Variants in ZRANB3 observed in about 807,000 individuals in gnomAD.
ZRANB3 encodes zinc finger RANBP2-type containing 3.
In ZRANB3, 125 loss-of-function variants were observed where a neutral mutation model predicts 133.8. That is an observed-to-expected ratio of 0.93 (90% CI 0.81 to 1.08). The LOEUF (loss-of-function observed/expected upper bound fraction) is 1.08, where lower values mean the gene tolerates loss of function less well. ZRANB3 is among the 50% of genes least tolerant of loss of function. The probability of loss-of-function intolerance (pLI) is 0.00; values close to 1 mark genes in which losing one functional copy is unlikely to be tolerated. For synonymous variants in ZRANB3, 387 were observed against 432.7 expected (o/e 0.89, Z 1.31); for missense variants, 1,229 against 1,275.5 (o/e 0.96, Z 0.56).
At chr2:135,526,537 TC>T (rs1401474227) in intron 1 of ZRANB3, among the ~76,000 whole-genome samples, 3 of 152,212 alleles carry the variant, frequency 2.0e-5, no homozygotes, top group Non-Finnish European at 4.4e-5. Flanking sequence ...TAAATTCTCA[TC>T]AGGGGGGTTT....
intron 8 of ZRANB3, among the ~76,000 whole-genome samples, chr2:135,296,522 C>T (rs936565187): frequency 2.6e-5 from 4 of 151,954 alleles, no homozygotes; most frequent in Non-Finnish European, 5.9e-5. Context: ...GCCATTGGCT[C>T]GAACTTCCTC....
chr2:135,475,352 C>T (rs1691458802), intron 2 of ZRANB3, among the ~76,000 whole-genome samples: 1 of 152,204 alleles, frequency 6.6e-6, no homozygotes, highest in Admixed American at 6.5e-5. Context: ...TGTCTGCAGT[C>T]ATTTTGAAAG....
intron 3 of ZRANB3, among the ~76,000 whole-genome samples, chr2:135,373,626 A>G (rs1686280307): frequency 6.6e-6 from 1 of 151,978 alleles, no homozygotes; most frequent in African/African-American, 2.4e-5. Context: ...CGTCTCAACT[A>G]AAAATACAAA....
chr2:135,270,263 C>T (rs2105118620), intron 10 of ZRANB3, among the ~76,000 whole-genome samples: 1 of 152,098 alleles, frequency 6.6e-6, no homozygotes, highest in African/African-American at 2.4e-5. Flanking sequence ...TTATAAAAAA[C>T]ATCATTTGAT....
intron 2 of ZRANB3, among the ~76,000 whole-genome samples, chr2:135,478,480 T>C (rs1427883149): frequency 1.3e-5 from 2 of 152,148 alleles, no homozygotes; most frequent in African/African-American, 4.8e-5. Flanking sequence ...ACACCATAGA[T>C]TAATATGTTA....
At chr2:135,388,675 A>C (rs914910330) in intron 3 of ZRANB3, among the ~76,000 whole-genome samples, 1 of 152,202 alleles carries the variant, frequency 6.6e-6, no homozygotes, top group Non-Finnish European at 1.5e-5. Flanking sequence ...TTGGAGAATG[A>C]GTTCATATTT....
intron 8 of ZRANB3, among the ~76,000 whole-genome samples, chr2:135,308,106 C>A (rs1365970502): frequency 6.6e-6 from 1 of 152,086 alleles, no homozygotes; most frequent in African/African-American, 2.4e-5. Context: ...TGCAGCTGAG[C>A]CTTGGGGGTG....
intron 20 of ZRANB3, chr2:135,202,288 C>T (rs1693658974): frequency 6.6e-6 from 1 of 152,234 alleles, no homozygotes. Flanking sequence ...CTACCTTTTA[C>T]TGGACTGCCT....
At chr2:135,222,017 C>T (rs767634610) in intron 15 of ZRANB3, among the ~76,000 whole-genome samples, 1 of 152,186 alleles carries the variant, frequency 6.6e-6, no homozygotes, top group Non-Finnish European at 1.5e-5. Flanking sequence ...AAAGTTTGGT[C>T]ATCTCCAACA....
intron 1 of ZRANB3, among the ~76,000 whole-genome samples, chr2:135,507,012 G>A (rs145418242): frequency 1.3e-5 from 2 of 152,174 alleles, no homozygotes; most frequent in Non-Finnish European, 2.9e-5. Flanking sequence ...AGCAAAAAGG[G>A]AAAGCATGAA....
chr2:135,511,131 G>A (rs1252307499), intron 1 of ZRANB3: 1 of 771,166 alleles, frequency 1.3e-6, no homozygotes, highest in Non-Finnish European at 2.4e-6. Flanking sequence ...AACATAAGGA[G>A]GTATCCCAGT....
intron 2 of ZRANB3, among the ~76,000 whole-genome samples, chr2:135,466,262 A>C (rs1690988031): frequency 6.6e-6 from 1 of 151,856 alleles, no homozygotes; most frequent in African/African-American, 2.4e-5. Context: ...GCATGCCTGT[A>C]GTCCCAGCTA....
At chr2:135,508,118 C>T (rs1411450281) in intron 1 of ZRANB3, among the ~76,000 whole-genome samples, 1 of 152,030 alleles carries the variant, frequency 6.6e-6, no homozygotes, top group African/African-American at 2.4e-5. Context: ...CTGACTCAGG[C>T]ACAATATTTG....
chr2:135,403,626 G>A (rs1484655448), intron 2 of ZRANB3, among the ~76,000 whole-genome samples: 1 of 152,224 alleles, frequency 6.6e-6, no homozygotes, highest in Admixed American at 6.5e-5. Flanking sequence ...GCACGCAGCT[G>A]GAGATCTGAG....
chr2:135,505,750 A>G (rs58955094), intron 1 of ZRANB3, among the ~76,000 whole-genome samples: 6,773 of 152,252 alleles, frequency 0.044, 504 homozygotes, highest in African/African-American at 0.16. Context: ...CTAGAGAAGC[A>G]AGACCCACGC....
chr2:135,361,283 C>T (rs1685683854), intron 3 of ZRANB3, among the ~76,000 whole-genome samples: 1 of 152,148 alleles, frequency 6.6e-6, no homozygotes. Context: ...GATTAAGAAT[C>T]AAAGTCTTGA....
intron 2 of ZRANB3, among the ~76,000 whole-genome samples, chr2:135,472,422 C>T (rs531675596): frequency 2.6e-5 from 4 of 151,604 alleles, no homozygotes; most frequent in African/African-American, 9.7e-5. Flanking sequence ...ATGGCGTGAA[C>T]CCGGGAGGCG....
chr2:135,316,444 T>A (rs532179879), intron 6 of ZRANB3, among the ~76,000 whole-genome samples: 1 of 152,270 alleles, frequency 6.6e-6, no homozygotes, highest in South Asian at 2.1e-4. Context: ...GGGTCCATAC[T>A]ACCCACTACT....
In ZRANB3 at chr2:135,230,531, T is replaced by C. The variant is rs138802764; in HGVS notation, c.1936A>G (p.Thr646Ala). ...TACTCACCAGCACTGCCTTGAGGAG[T>C]CTCACACATTTCACAATAAGGTAAC... ...SELPYCEMCE[T>A]PQGSAVMQID... Residue 646 changes from threonine to alanine, a missense_variant, in exon 13 of 21, where the codon ACT becomes GCT. Coordinates refer to ENST00000264159, the MANE Select transcript of ZRANB3 (RefSeq NM_032143.4). 4.5e-5 allele frequency: 70 copies of C among 1,544,614 alleles called. No individual in the cohort carries two copies. The East Asian group carries it at 1.4e-3, about 32-fold the overall frequency.
Sources: gnomAD v4.1 joint callset for allele counts (sites outside exome capture counted in the v4.1 genomes callset) on GRCh38, gnomAD v4.1.1 for gene constraint, MANE v1.5 for transcripts, NCBI Gene and HGNC (gene_info 2026-07-23, HGNC 2026-07-21) for gene names.